ABCA12: variants seen among roughly 807,000 people sequenced by gnomAD.
The protein encoded by ABCA12 is glucosylceramide transporter ABCA12.
Under a neutral mutation model 293.5 loss-of-function variants are expected in ABCA12, and 156 were observed. The observed-to-expected ratio is 0.53, with a 90% confidence interval of 0.47 to 0.61. The LOEUF is 0.61. Among genes scored for constraint, ABCA12 ranks in the 20% least tolerant of loss-of-function variants. The probability of loss-of-function intolerance (pLI) is 0.00; values close to 1 mark genes in which losing one functional copy is unlikely to be tolerated. For synonymous variants in ABCA12, 1,063 were observed against 1,108.0 expected, an observed-to-expected ratio of 0.96 and a Z score of 0.81; for missense variants, 2,797 against 3,090.2, an observed-to-expected ratio of 0.91 and a Z score of 2.25.
At chr2:214,947,629 A>G in intron 47 of ABCA12, 73 bp from the exon 48 acceptor site, 1 of 1,542,412 alleles carries the variant, frequency 6.5e-7, no homozygotes, top group Non-Finnish European at 8.8e-7. Context: ...TGGAAAAAAA[A>G]AAGATGCTCA....
chr2:214,985,335 A>G (rs1475240109), intron 28 of ABCA12, among the ~76,000 whole-genome samples: 3 of 152,200 alleles, frequency 2.0e-5, no homozygotes, highest in Non-Finnish European at 2.9e-5. Context: ...GTTCTCACTT[A>G]TAAGTGGGAA....
At position 215,054,259 on chromosome 2, in the gene ABCA12, A is replaced by C. The variant is rs1233444095; in HGVS notation, c.409+314T>G. Among the ~76,000 whole-genome samples, 6 of 152,066 alleles carry C rather than the reference A, an allele frequency of 3.9e-5. No homozygotes were observed. The East Asian group carries it at 1.2e-3, about 29-fold the overall frequency. ...AAAAATTTTTATTAATGGGCTTTCT[A>C]ACCCATCCCAGCATCATCTAATTGC... is the stretch of plus-strand genomic sequence containing the variant. On this transcript the variant is annotated intron_variant, in intron 4 of 52. Transcript: ENST00000272895.
intron 2 of ABCA12, among the ~76,000 whole-genome samples, chr2:215,094,502 T>A (rs1340988119): frequency 1.3e-5 from 2 of 152,146 alleles, no homozygotes; most frequent in African/African-American, 4.8e-5. Flanking sequence ...GGAAAATACC[T>A]CCTTCCAGCC....
intron 31 of ABCA12, 26 bp downstream of exon 31, chr2:214,980,457 T>A: frequency 6.2e-7 from 1 of 1,605,608 alleles, no homozygotes; most frequent in Non-Finnish European, 8.5e-7. Flanking sequence ...GGTGCCATAA[T>A]GAGATATATT....
At chr2:215,021,607 C>A (rs1396074727) in intron 11 of ABCA12, among the ~76,000 whole-genome samples, 1 of 152,118 alleles carries the variant, frequency 6.6e-6, no homozygotes, top group East Asian at 1.9e-4. Context: ...GGAACAACAT[C>A]CTAAGAAACA....
chr2:214,994,843 T>G (rs1446168540), intron 23 of ABCA12, among the ~76,000 whole-genome samples: 1 of 152,164 alleles, frequency 6.6e-6, no homozygotes, highest in Non-Finnish European at 1.5e-5. Context: ...TATTTTAGGC[T>G]ACCTGTCTGA....
Position 215,039,759 on chromosome 2 carries a change from A to AAAATAAAT in ABCA12, c.873-2702_873-2695dup, listed in dbSNP as rs79648313. The stretch of plus-strand genomic sequence containing the variant: ...AACAGAGCAAGACTCCTTCTCACAA[A>AAAATAAAT]AAATAAATAAATAAATAAATAAATA... On this transcript the variant is annotated intron_variant, in intron 7 of 52. Coordinates refer to ENST00000272895, the MANE Select transcript of ABCA12 (RefSeq NM_173076.3). 7.1e-4 allele frequency among the ~76,000 whole-genome samples: 107 copies of AAAATAAAT among 151,160 alleles called. No homozygotes were observed. In the East Asian group the frequency reaches 7.6e-3, roughly 11 times the overall value.
At chr2:215,089,673 T>C (rs910069471) in intron 2 of ABCA12, among the ~76,000 whole-genome samples, 10 of 152,214 alleles carry the variant, frequency 6.6e-5, no homozygotes, top group African/African-American at 2.4e-4. Flanking sequence ...TATCCATTGT[T>C]TCTCTTAGCA....
At chr2:215,109,263 GT>G (rs1702522252) in intron 2 of ABCA12, among the ~76,000 whole-genome samples, 1 of 152,108 alleles carries the variant, frequency 6.6e-6, no homozygotes, top group Non-Finnish European at 1.5e-5. Flanking sequence ...AAAAATTTGT[GT>G]ATAAAAGGGT....
Position 215,026,812 on chromosome 2 carries a change from A to G in ABCA12, c.1180+8T>C, listed in dbSNP as rs1433322547. ...GAGCAGCATTTTGACTGTTAAGAAC[A>G]GTATTACCTGGTGAACCTCTGGCCA... On this transcript the variant is annotated splice_region_variant and intron_variant, in intron 10 of 52. Transcript: ENST00000272895. 2 of 1,579,596 alleles carry G rather than the reference A, an allele frequency of 1.3e-6. No homozygotes were observed. The highest frequency in any genetic ancestry group is 1.3e-5 in the African/African-American group (1 of 74,110).
intron 1 of ABCA12, among the ~76,000 whole-genome samples, chr2:215,128,490 T>G (rs923364461): frequency 2.6e-5 from 4 of 152,204 alleles, no homozygotes; most frequent in African/African-American, 9.6e-5. Context: ...GCTTTGTTGA[T>G]ATTTTCTTAC....
intron 10 of ABCA12, 140 bp from the exon 11 acceptor site, chr2:215,025,919 T>TG (rs1476283444): frequency 1.6e-5 from 10 of 627,276 alleles, no homozygotes; most frequent in Non-Finnish European, 2.8e-6. Flanking sequence ...ATAAGATGAA[T>TG]GAAAATTTAA....
At chr2:214,992,481 T>G (rs1428005002) in intron 23 of ABCA12, among the ~76,000 whole-genome samples, 3 of 89,456 alleles carry the variant, frequency 3.4e-5, no homozygotes, top group African/African-American at 1.3e-4. Flanking sequence ...AAAAAAACAA[T>G]TCATGATTAA....
intron 51 of ABCA12, 96 bp downstream of exon 51, chr2:214,937,414 G>C (rs1698255069): frequency 1.1e-6 from 1 of 939,896 alleles, no homozygotes. Flanking sequence ...GGCCAGGCTG[G>C]TCTTAACCTC....
intron 22 of ABCA12, among the ~76,000 whole-genome samples, chr2:215,000,083 C>A (rs1232082420): frequency 6.6e-6 from 1 of 152,146 alleles, no homozygotes; most frequent in African/African-American, 2.4e-5. Context: ...ACCCAACTGG[C>A]AGATTTCTCG....
At chr2:214,941,746 G>A (rs1163032727) in intron 50 of ABCA12, among the ~76,000 whole-genome samples, 2 of 148,174 alleles carry the variant, frequency 1.3e-5, no homozygotes, top group East Asian at 3.9e-4. Context: ...TTTAAAGTCT[G>A]TTTGTTTTAT....
At chr2:215,016,869 A>G (rs554029388) in intron 14 of ABCA12, among the ~76,000 whole-genome samples, 12 of 152,264 alleles carry the variant, frequency 7.9e-5, no homozygotes, top group Non-Finnish European at 1.2e-4. Context: ...AGAAAAGCGT[A>G]TAACATTCAA....
chr2:215,047,030 C>T (rs763350941), intron 6 of ABCA12, among the ~76,000 whole-genome samples: 4 of 152,240 alleles, frequency 2.6e-5, no homozygotes, highest in Non-Finnish European at 5.9e-5. Flanking sequence ...ACAATGAGAA[C>T]ACATGGACAC....
At chr2:214,975,493 C>T (rs542029881) in intron 34 of ABCA12, among the ~76,000 whole-genome samples, 4 of 152,212 alleles carry the variant, frequency 2.6e-5, no homozygotes, top group African/African-American at 9.6e-5. Context: ...CTGTATATTA[C>T]AACAGATTGG....
Sources: gnomAD v4.1 joint callset for allele counts (sites outside exome capture counted in the v4.1 genomes callset) on GRCh38, gnomAD v4.1.1 for gene constraint, MANE v1.5 for transcripts, NCBI Gene and HGNC (gene_info 2026-07-23, HGNC 2026-07-21) for gene names.